Variants in MOSPD2 observed in about 807,000 individuals in gnomAD.
MOSPD2 encodes the protein motile sperm domain-containing protein 2.
In MOSPD2, 5 loss-of-function variants were observed where a neutral mutation model predicts 41.7. That is an observed-to-expected ratio of 0.12 (90% confidence interval 0.06 to 0.25). The LOEUF (loss-of-function observed/expected upper bound fraction) is 0.25. Among genes scored for constraint, MOSPD2 ranks in the 10% least tolerant of loss-of-function variants. The pLI, the probability that MOSPD2 is intolerant of heterozygous loss-of-function variation, is 1.00. For synonymous variants in MOSPD2, 115 were observed against 126.9 expected (o/e 0.91, Z 0.63); for missense variants, 282 against 375.2 (o/e 0.75, Z 2.05).
At position 14,920,589 on chromosome X, in the gene MOSPD2, C is replaced by T. The variant is rs1210040605; in HGVS notation, c.*780C>T. 2 of 751,669 alleles carry T rather than the reference C, an allele frequency of 2.7e-6. No individual in the cohort carries two copies. The highest frequency in any genetic ancestry group is 3.1e-6 in the Non-Finnish European group (2 of 638,688). 61.9% of individuals were successfully genotyped at this position (751,669 alleles called of 1,213,427 possible). ...CATTTTTATGGAGTTTCATGTTGTC[C>T]ACTATAGCTGGACACTGAACCTTTT... On this transcript the variant is annotated 3_prime_UTR_variant, in exon 15 of 15. Coordinates refer to ENST00000380492, the MANE Select transcript of MOSPD2 (RefSeq NM_152581.4).
rs2092606781 is a variant in MOSPD2 at position 14,919,986 on chromosome X, A to G, written c.*177A>G. 1 of 980,748 alleles carries G rather than the reference A, an allele frequency of 1.0e-6. No homozygotes were observed. Among genetic ancestry groups the G allele is most frequent in the Non-Finnish European group, 1.3e-6 (1 of 781,314 alleles). The allele number at this position is 980,748 out of a possible 1,213,427, so 80.8% of individuals were successfully genotyped here. ...TGAAAATAAACTGCTAGAATAAAGA[A>G]ATGCTGGAGAAATTGATTATAAGAG... On this transcript the variant is annotated 3_prime_UTR_variant, in exon 15 of 15. Transcript: ENST00000380492.
chrX:14,913,231 C>G (rs1006548177), intron 10 of MOSPD2, among the ~76,000 whole-genome samples: 1 of 111,417 alleles, frequency 9.0e-6, no homozygotes, highest in Admixed American at 9.6e-5. Flanking sequence ...TTTACTTGTT[C>G]CCATTTTTCT....
intron 2 of MOSPD2, among the ~76,000 whole-genome samples, chrX:14,879,448 T>A (rs2092527512): frequency 8.9e-6 from 1 of 112,052 alleles, no homozygotes; most frequent in South Asian, 3.7e-4. Context: ...AGAGGCTGGG[T>A]GGCATGTGAT....
At chrX:14,890,405 G>T (rs1008909048) in intron 2 of MOSPD2, among the ~76,000 whole-genome samples, 10 of 111,122 alleles carry the variant, frequency 9.0e-5, no homozygotes, top group African/African-American at 3.3e-4. Context: ...GAAAAAAATT[G>T]TAAAAAATGT....
chrX:14,885,781 A>G (rs947039855), intron 2 of MOSPD2, among the ~76,000 whole-genome samples: 18 of 111,393 alleles, frequency 1.6e-4, no homozygotes, highest in African/African-American at 5.5e-4. Flanking sequence ...AAAAAACTGA[A>G]GCGAATAACT....
At position 14,889,435 on chromosome X, in the gene MOSPD2, C is replaced by T. The variant is rs180911640; in HGVS notation, c.80-3288C>T. On this transcript the variant is annotated intron_variant, in intron 2 of 14. Coordinates refer to ENST00000380492, the MANE Select transcript of MOSPD2 (RefSeq NM_152581.4). The stretch of plus-strand genomic sequence containing the variant: ...GGCTATGTTTTTCTTACCTTCAATG[C>T]TCAGTTTATTCTGTTTCTTTCTCTG... Among the ~76,000 whole-genome samples, 277 of 111,363 alleles carry T rather than the reference C, an allele frequency of 2.5e-3. 1 individual carries two copies. The highest frequency in any genetic ancestry group is 8.6e-3 in the African/African-American group (264 of 30,631).
chrX:14,919,926 A>G lies in MOSPD2; in HGVS notation c.*117A>G. The stretch of plus-strand genomic sequence containing the variant: ...GCACATCTGTGCTTCCTAAAAGGAA[A>G]TATGCAGCACGTGGAGGGGAACACA... On this transcript the variant is annotated 3_prime_UTR_variant, in exon 15 of 15. Coordinates refer to ENST00000380492, the MANE Select transcript of MOSPD2 (RefSeq NM_152581.4). 1.8e-6 allele frequency: 2 copies of G among 1,098,436 alleles called. No individual in the cohort carries two copies. The highest frequency in any genetic ancestry group is 3.2e-5 in the Admixed American group (1 of 30,834). The allele number at this position is 1,098,436 out of a possible 1,213,427, so 90.5% of individuals were successfully genotyped here.
At chrX:14,904,023 C>G (rs1473685937) in intron 7 of MOSPD2, among the ~76,000 whole-genome samples, 1 of 111,716 alleles carries the variant, frequency 9.0e-6, no homozygotes, top group African/African-American at 3.2e-5. Flanking sequence ...AAACTTCCCA[C>G]GAAGAAAAGC....
intron 2 of MOSPD2, among the ~76,000 whole-genome samples, chrX:14,882,553 T>G (rs1481346535): frequency 2.7e-5 from 3 of 111,822 alleles, no homozygotes; most frequent in African/African-American, 9.8e-5. Context: ...GTTAGCTTGA[T>G]TTTGCTATTC....
At chrX:14,902,845 G>A in intron 6 of MOSPD2, 121 bp from the exon 7 acceptor site, 1 of 507,977 alleles carries the variant, frequency 2.0e-6, no homozygotes, top group Non-Finnish European at 3.5e-6. Flanking sequence ...CTGAATTAGA[G>A]CTCAGACAAC....
intron 2 of MOSPD2, among the ~76,000 whole-genome samples, chrX:14,880,622 A>G (rs998086389): frequency 4.5e-5 from 5 of 111,809 alleles, no homozygotes; most frequent in African/African-American, 1.6e-4. Flanking sequence ...TATCAAAGTG[A>G]AGACATTTTC....
chrX:14,891,710 G>A (rs1443339309), intron 2 of MOSPD2, among the ~76,000 whole-genome samples: 2 of 108,907 alleles, frequency 1.8e-5, no homozygotes, highest in African/African-American at 6.7e-5. Context: ...TGAGACTACA[G>A]GGTGCGCCAC....
chrX:14,918,580 T>A, intron 13 of MOSPD2, 100 bp from the exon 14 acceptor site: 1 of 546,967 alleles, frequency 1.8e-6, no homozygotes, highest in Non-Finnish European at 2.9e-6. Context: ...CTTTTACCTC[T>A]GTTACATAGA....
chrX:14,897,269 T>C (rs1272144397), intron 5 of MOSPD2, 31 bp downstream of exon 5: 1 of 1,126,726 alleles, frequency 8.9e-7, no homozygotes, highest in Non-Finnish European at 1.2e-6. Context: ...TCCAAATCAG[T>C]GTTTATCATG....
chrX:14,905,760 A>T (rs1438630614), intron 7 of MOSPD2, among the ~76,000 whole-genome samples: 3 of 111,501 alleles, frequency 2.7e-5, no homozygotes, highest in Non-Finnish European at 1.9e-5. Flanking sequence ...CCAAAGTGCT[A>T]GGATTACAGG....
rs758814159 is a variant in MOSPD2 at position 14,909,965 on chromosome X, C to A, written c.702+981C>A. Among the ~76,000 whole-genome samples the A allele has an allele frequency of 4.5e-5, 5 of 110,402 alleles. No individual in the cohort carries two copies. In the South Asian group the frequency reaches 1.9e-3, roughly 42 times the overall value. On this transcript the variant is annotated intron_variant, in intron 8 of 14. Coordinates refer to ENST00000380492, the MANE Select transcript of MOSPD2 (RefSeq NM_152581.4). Reference sequence around the variant, plus strand: ...TTTTATTTATTTTTAATAATTTGCTCATAAAATTGTTATATCTTAAATAAT... The same window carrying A: ...TTTTATTTATTTTTAATAATTTGCTAATAAAATTGTTATATCTTAAATAAT...
At chrX:14,919,038 C>T (rs1218020005) in intron 14 of MOSPD2, among the ~76,000 whole-genome samples, 1 of 110,616 alleles carries the variant, frequency 9.0e-6, no homozygotes, top group Non-Finnish European at 1.9e-5. Context: ...GGCAATATAG[C>T]GAGACCCTGT....
intron 5 of MOSPD2, among the ~76,000 whole-genome samples, chrX:14,897,647 T>C (rs1367583563): frequency 8.9e-6 from 1 of 112,461 alleles, no homozygotes; most frequent in Non-Finnish European, 1.9e-5. Context: ...GAATTTGTTA[T>C]ATTCATACCA....
At chrX:14,888,824 C>G (rs1194237069) in intron 2 of MOSPD2, among the ~76,000 whole-genome samples, 2 of 109,551 alleles carry the variant, frequency 1.8e-5, no homozygotes, top group African/African-American at 3.3e-5. Context: ...TTTAGATAAT[C>G]TTTTGGGTGT....
Sources: gnomAD v4.1 joint callset for allele counts (sites outside exome capture counted in the v4.1 genomes callset) on GRCh38, gnomAD v4.1.1 for gene constraint, MANE v1.5 for transcripts, NCBI Gene and HGNC (gene_info 2026-07-23, HGNC 2026-07-21) for gene names.